Variants in KLHL1 observed in about 807,000 individuals in gnomAD.
KLHL1 encodes the protein kelch like family member 1, also known as kelch-like protein 1.
A neutral mutation model predicts 77.7 loss-of-function variants in KLHL1; 47 were observed. The ratio of observed to expected loss-of-function variants is 0.60; its 90% CI spans 0.48 to 0.77. The LOEUF (loss-of-function observed/expected upper bound fraction) is 0.77. KLHL1 is among the 30% of genes least tolerant of loss of function. The pLI is 0.00. For missense variants in KLHL1, 925 were observed against 910.8 expected, an observed-to-expected ratio of 1.02 and a Z score of -0.20; for synonymous variants, 360 against 325.2, an observed-to-expected ratio of 1.11 and a Z score of -1.15.
chr13:69,752,528 C>T (rs1442936595), intron 7 of KLHL1, among the ~76,000 whole-genome samples: 1 of 152,044 alleles, frequency 6.6e-6, no homozygotes, highest in Non-Finnish European at 1.5e-5. Context: ...GAAAATAAAA[C>T]AAATAACAAT....
chr13:69,786,333 G>T (rs1044715937), intron 7 of KLHL1, among the ~76,000 whole-genome samples: 3 of 152,122 alleles, frequency 2.0e-5, no homozygotes, highest in South Asian at 4.1e-4. Flanking sequence ...TCATCCCTGG[G>T]ATGCAAGGCT....
At chr13:70,075,234 A>T (rs1887233741) in intron 1 of KLHL1, among the ~76,000 whole-genome samples, 1 of 151,914 alleles carries the variant, frequency 6.6e-6, no homozygotes, top group African/African-American at 2.4e-5. Context: ...TGGAAGCTGG[A>T]TGGGACAAGT....
chr13:69,862,913 C>T (rs576183383), intron 5 of KLHL1, among the ~76,000 whole-genome samples: 33 of 152,144 alleles, frequency 2.2e-4, no homozygotes, highest in African/African-American at 7.7e-4. Context: ...ATGTTTAAGC[C>T]ACCCAGTCTA....
chr13:69,967,722 T>TA lies in KLHL1; in HGVS notation c.681-6279dup, dbSNP rs113379854. The stretch of plus-strand genomic sequence containing the variant: ...CAAGATGGCAAAACCCCGTCTCTAC[T>TA]AAAAATACAAAAATTAGATGGGCGT... On this transcript the variant is annotated intron_variant, in intron 2 of 10. Coordinates refer to ENST00000377844, the MANE Select transcript of KLHL1 (RefSeq NM_020866.3). 1.3e-3 allele frequency among the ~76,000 whole-genome samples: 197 copies of TA among 152,034 alleles called. 1 individual carries two copies. The highest frequency in any genetic ancestry group is 4.6e-3 in the African/African-American group (192 of 41,506).
chr13:69,821,277 A>G (rs982620331), intron 6 of KLHL1, among the ~76,000 whole-genome samples: 3 of 151,980 alleles, frequency 2.0e-5, no homozygotes, highest in African/African-American at 7.3e-5. Flanking sequence ...AGCTTAACAA[A>G]TGTTCATTCA....
intron 1 of KLHL1, among the ~76,000 whole-genome samples, chr13:70,054,276 C>T (rs1330101931): frequency 6.6e-6 from 1 of 151,848 alleles, no homozygotes; most frequent in Non-Finnish European, 1.5e-5. Flanking sequence ...TCTTGGTAAA[C>T]TTTAAATAAT....
chr13:69,951,058 T>G (rs2137254543), intron 3 of KLHL1, among the ~76,000 whole-genome samples: 1 of 151,764 alleles, frequency 6.6e-6, no homozygotes, highest in Non-Finnish European at 1.5e-5. Context: ...ATGTTTGCCT[T>G]TAGTTTATAA....
intron 4 of KLHL1, among the ~76,000 whole-genome samples, chr13:69,884,123 C>T (rs1820937730): frequency 6.6e-6 from 1 of 152,160 alleles, no homozygotes; most frequent in South Asian, 2.1e-4. Flanking sequence ...GAAACCTGGT[C>T]TGTGTTACAG....
intron 7 of KLHL1, among the ~76,000 whole-genome samples, chr13:69,766,104 G>A (rs572462532): frequency 6.6e-6 from 1 of 152,166 alleles, no homozygotes; most frequent in African/African-American, 2.4e-5. Flanking sequence ...CATCTCAAAA[G>A]TGATACAAAT....
chr13:70,001,190 T>C (rs1027577685), intron 1 of KLHL1, among the ~76,000 whole-genome samples: 11 of 151,030 alleles, frequency 7.3e-5, no homozygotes, highest in African/African-American at 2.7e-4. Flanking sequence ...GCAAATTTTC[T>C]AAGAAAATAT....
At chr13:69,786,741 T>G (rs1283744471) in intron 7 of KLHL1, among the ~76,000 whole-genome samples, 1 of 152,174 alleles carries the variant, frequency 6.6e-6, no homozygotes, top group Non-Finnish European at 1.5e-5. Context: ...ATGACATGAT[T>G]GTATATCTAG....
chr13:70,107,715 G>T lies in KLHL1; in HGVS notation c.-16C>A. On this transcript the variant is annotated 5_prime_UTR_variant, in exon 1 of 11. Coordinates refer to ENST00000377844, the MANE Select transcript of KLHL1 (RefSeq NM_020866.3). ...AGCCTGACATGCTTTACGCACAGAA[G>T]GCAAAAGGCTGGCAGCTCACGCAGG... 1 of 1,507,462 alleles carries T rather than the reference G, an allele frequency of 6.6e-7. No homozygotes were observed. 93.4% of individuals were successfully genotyped at this position (1,507,462 alleles called of 1,614,324 possible). A position where few individuals can be genotyped will look rare whatever the true frequency, so the allele number is the denominator to read the frequency against.
At chr13:69,772,685 G>A (rs1043378649) in intron 7 of KLHL1, among the ~76,000 whole-genome samples, 1 of 152,106 alleles carries the variant, frequency 6.6e-6, no homozygotes, top group Non-Finnish European at 1.5e-5. Flanking sequence ...TCTACCGTGT[G>A]TAAAGTATCT....
At chr13:70,016,788 T>G (rs1465161879) in intron 1 of KLHL1, among the ~76,000 whole-genome samples, 1 of 152,080 alleles carries the variant, frequency 6.6e-6, no homozygotes, top group South Asian at 2.1e-4. Context: ...GGGGGCCAGA[T>G]TTTTAGTTCT....
chr13:69,817,700 C>A (rs1312095219), intron 6 of KLHL1, among the ~76,000 whole-genome samples: 3 of 152,106 alleles, frequency 2.0e-5, no homozygotes, highest in African/African-American at 4.8e-5. Context: ...AGACTTATTA[C>A]CCCATGGATC....
chr13:69,762,697 A>C (rs1455352619), intron 7 of KLHL1, among the ~76,000 whole-genome samples: 1 of 149,088 alleles, frequency 6.7e-6, no homozygotes, highest in African/African-American at 2.5e-5. Context: ...AGCATCCTAG[A>C]TTGACAGCTT....
intron 1 of KLHL1, among the ~76,000 whole-genome samples, chr13:70,099,636 A>G (rs1887876725): frequency 6.6e-6 from 1 of 152,014 alleles, no homozygotes; most frequent in East Asian, 1.9e-4. Flanking sequence ...TACAATAGAT[A>G]AGTTTATGTG....
intron 9 of KLHL1, among the ~76,000 whole-genome samples, chr13:69,711,021 A>T (rs1875851973): frequency 6.6e-6 from 1 of 152,096 alleles, no homozygotes. Context: ...GGCATACGAT[A>T]GTCACAGAAT....
chr13:69,720,887 A>AGT (rs2137896159), intron 8 of KLHL1, among the ~76,000 whole-genome samples: 1 of 148,094 alleles, frequency 6.8e-6, no homozygotes, highest in Non-Finnish European at 1.5e-5. Flanking sequence ...AGGAAGCCAT[A>AGT]GTGGTTTTTG....
Sources: gnomAD v4.1 joint callset for allele counts (sites outside exome capture counted in the v4.1 genomes callset) on GRCh38, gnomAD v4.1.1 for gene constraint, MANE v1.5 for transcripts, NCBI Gene and HGNC (gene_info 2026-07-23, HGNC 2026-07-21) for gene names.